The following CPSF2 variants were observed in gnomAD, a reference collection of about 807,000 sequenced individuals.
CPSF2 encodes the protein cleavage and polyadenylation specific factor 2.
A neutral mutation model predicts 84.2 loss-of-function variants in CPSF2; 51 were observed. That is an observed-to-expected ratio of 0.61 (90% CI 0.48 to 0.77). The LOEUF (loss-of-function observed/expected upper bound fraction) is 0.77, where lower values mean the gene tolerates loss of function less well. Among genes scored for constraint, CPSF2 ranks in the 30% least tolerant of loss-of-function variants. CPSF2 has a pLI of 0.00. For missense variants in CPSF2, 641 were observed against 929.4 expected (o/e 0.69, Z 4.03); for synonymous variants, 286 against 311.9 (o/e 0.92, Z 0.87).
At chr14:92,154,836 T>G (rs908360967) in intron 10 of CPSF2, among the ~76,000 whole-genome samples, 1 of 152,210 alleles carries the variant, frequency 6.6e-6, no homozygotes, top group South Asian at 2.1e-4. Context: ...CCATTGTTCC[T>G]AGGCTACAAA....
chr14:92,142,929 T>A, intron 8 of CPSF2, 75 bp from the exon 9 acceptor site: 1 of 1,269,856 alleles, frequency 7.9e-7, no homozygotes, highest in Non-Finnish European at 1.1e-6. Context: ...GAACTTGAAT[T>A]CCTTGACTAT....
At chr14:92,134,598 G>C (rs2068975216) in intron 5 of CPSF2, among the ~76,000 whole-genome samples, 1 of 152,160 alleles carries the variant, frequency 6.6e-6, no homozygotes, top group Admixed American at 6.5e-5. Context: ...AACTCATTTA[G>C]TGTTTACTGT....
intron 2 of CPSF2, among the ~76,000 whole-genome samples, chr14:92,127,952 T>C (rs1332614346): frequency 6.6e-6 from 1 of 152,154 alleles, no homozygotes; most frequent in African/African-American, 2.4e-5. Flanking sequence ...TGGGTGATCT[T>C]TGAACAAAGA....
chr14:92,147,945 G>T (rs2069164197), intron 9 of CPSF2, among the ~76,000 whole-genome samples: 1 of 152,204 alleles, frequency 6.6e-6, no homozygotes, highest in Admixed American at 6.5e-5. Context: ...AGCTGGTCTT[G>T]AACTACTGGC....
At chr14:92,136,985 G>T (rs2069008149) in intron 6 of CPSF2, among the ~76,000 whole-genome samples, 1 of 151,368 alleles carries the variant, frequency 6.6e-6, no homozygotes, top group Non-Finnish European at 1.5e-5. Flanking sequence ...TGATAGATTT[G>T]ATGACATACA....
At position 92,138,349 on chromosome 14, in the gene CPSF2, T is replaced by C; in HGVS notation, c.661+2T>C. The C allele has an allele frequency of 7.0e-7, 1 of 1,429,008 alleles. No individual in the cohort carries two copies. The highest frequency in any genetic ancestry group is 1.5e-5 in the African/African-American group (1 of 68,894). The allele number at this position is 1,429,008 out of a possible 1,614,324, so 88.5% of individuals were successfully genotyped here. A position where few individuals can be genotyped will look rare whatever the true frequency, so the allele number is the denominator to read the frequency against. On this transcript the variant is annotated splice_donor_variant, in intron 7 of 15. Coordinates refer to ENST00000298875, the MANE Select transcript of CPSF2 (RefSeq NM_017437.3). LOFTEE classifies it high-confidence loss of function. ...AACAGAGAGATGAGCAGCTTCTGAG[T>C]ACGTATTCTTTCACGTCCTTATTAT... is the stretch of plus-strand genomic sequence containing the variant.
intron 2 of CPSF2, among the ~76,000 whole-genome samples, chr14:92,130,006 C>T (rs1207316215): frequency 1.3e-5 from 2 of 152,146 alleles, no homozygotes; most frequent in African/African-American, 4.8e-5. Flanking sequence ...CCTCGGCTTC[C>T]CAAAGTGCTG....
At chr14:92,159,794 C>T (rs1006071554) in intron 14 of CPSF2, among the ~76,000 whole-genome samples, 1 of 151,502 alleles carries the variant, frequency 6.6e-6, no homozygotes, top group African/African-American at 2.4e-5. Flanking sequence ...TTCTATATAG[C>T]TAAGGAATGA....
chr14:92,146,507 C>T (rs1408404011), intron 9 of CPSF2, among the ~76,000 whole-genome samples: 2 of 152,078 alleles, frequency 1.3e-5, no homozygotes, highest in Non-Finnish European at 2.9e-5. Context: ...GGTGACAGAG[C>T]GAGACTCCAT....
chr14:92,130,982 A>G lies in CPSF2; in HGVS notation c.-3A>G. 6.2e-7 allele frequency: 1 copy of G among 1,608,112 alleles called. No individual in the cohort carries two copies. Among genetic ancestry groups the G allele is most frequent in the South Asian group, 1.1e-5 (1 of 89,050 alleles). On this transcript the variant is annotated 5_prime_UTR_variant, in exon 3 of 16. Transcript: ENST00000298875. ...CTAGCTTGCTGTTTCTGGACCAAAA[A>G]AAATGACGTCTATTATCAAATTAAC...
At chr14:92,142,654 C>T (rs2069092975) in intron 8 of CPSF2, among the ~76,000 whole-genome samples, 1 of 152,192 alleles carries the variant, frequency 6.6e-6, no homozygotes, top group South Asian at 2.1e-4. Context: ...TACCTCATAG[C>T]ATTGGCATGT....
intron 7 of CPSF2, among the ~76,000 whole-genome samples, chr14:92,139,601 C>G (rs2069047769): frequency 6.8e-6 from 1 of 147,626 alleles, no homozygotes; most frequent in Non-Finnish European, 1.5e-5. Context: ...TGCAGTGGCA[C>G]AGTCTCGGCT....
intron 3 of CPSF2, among the ~76,000 whole-genome samples, chr14:92,131,743 G>C (rs1173573209): frequency 6.6e-6 from 1 of 151,910 alleles, no homozygotes; most frequent in Admixed American, 6.6e-5. Flanking sequence ...GGAGGCTGAG[G>C]CAGGAGAATT....
rs551530374 is a variant in CPSF2, at chr14:92,162,474, A to G, written c.*730A>G. The G allele has an allele frequency of 2.0e-5, 3 of 152,422 alleles. No individual in the cohort carries two copies. The highest frequency in any genetic ancestry group is 7.2e-5 in the African/African-American group (3 of 41,458). 9.4% of individuals were successfully genotyped at this position (152,422 alleles called of 1,614,324 possible). On this transcript the variant is annotated 3_prime_UTR_variant, in exon 16 of 16. Transcript: ENST00000298875. ...TGCAGTATAGTCTTAAGGGTTCTGCATACATTTTAGAAACATCTTAGCCGT... is the reference window on the plus strand; with the variant it reads ...TGCAGTATAGTCTTAAGGGTTCTGCGTACATTTTAGAAACATCTTAGCCGT...
In CPSF2 at chr14:92,155,198, T is replaced by G; in HGVS notation, c.1317T>G (p.His439Gln). The G allele has an allele frequency of 6.2e-7, 1 of 1,614,124 alleles. No individual in the cohort carries two copies. ...AGCCATCAGCTCATAAGACGAAGCA[T>G]GACTTGATGATGAAAGGTGAAGGCA... ...IDQPSAHKTKHDLMMKGEGSR... is the reference protein window; with the variant it reads ...IDQPSAHKTKQDLMMKGEGSR... Residue 439 changes from histidine (H) to glutamine (Q), a missense_variant, in exon 11 of 16, where the codon CAT becomes CAG. His to Gln is a conservative substitution (Grantham distance 24). Around this residue, in one of 2 missense-constraint regions of CPSF2, gnomAD observed 430 missense variants for 553.6 expected, o/e 0.78. Coordinates refer to ENST00000298875, the MANE Select transcript of CPSF2 (RefSeq NM_017437.3).
intron 3 of CPSF2, among the ~76,000 whole-genome samples, chr14:92,131,636 C>T (rs1276039901): frequency 2.6e-5 from 4 of 151,926 alleles, no homozygotes; most frequent in Non-Finnish European, 2.9e-5. Flanking sequence ...TTCAGGAGTT[C>T]GAGACCAGCC....
chr14:92,145,845 A>G (rs1206437189), intron 9 of CPSF2, among the ~76,000 whole-genome samples: 1 of 152,222 alleles, frequency 6.6e-6, no homozygotes, highest in African/African-American at 2.4e-5. Flanking sequence ...GACCTTTTTA[A>G]TAACTAATGC....
At chr14:92,138,107 G>A (rs2069024039) in intron 6 of CPSF2, 125 bp from the exon 7 acceptor site, 1 of 448,440 alleles carries the variant, frequency 2.2e-6, no homozygotes, top group South Asian at 6.2e-5. Context: ...CAATGAGCAT[G>A]TCTACTTTTA....
chr14:92,156,766 G>T, intron 12 of CPSF2, 135 bp downstream of exon 12: 1 of 460,090 alleles, frequency 2.2e-6, no homozygotes. Flanking sequence ...ATTTATTTTT[G>T]TATGAAGAGA....
Sources: allele counts gnomAD v4.1 joint callset (sites outside exome capture counted in the v4.1 genomes callset), GRCh38; gene constraint gnomAD v4.1.1; regional missense constraint gnomAD v4.1.1; transcripts MANE v1.5; gene names NCBI Gene and HGNC (gene_info 2026-07-23, HGNC 2026-07-21).